Variants in FRMD3 observed in about 807,000 individuals in gnomAD.
FRMD3 encodes the protein FERM domain containing 3.
In FRMD3, 33 loss-of-function variants were observed where a neutral mutation model predicts 70.2. The ratio of observed to expected loss-of-function variants is 0.47; its 90% CI spans 0.36 to 0.63. FRMD3 has a LOEUF of 0.63. Ranked by LOEUF, FRMD3 falls within the 20% of genes least tolerant of loss-of-function variation. The pLI is 0.00. For missense variants in FRMD3, 632 were observed against 711.4 expected (o/e 0.89, Z 1.27); for synonymous variants, 279 against 255.9 (o/e 1.09, Z -0.86).
chr9:83,539,162 G>A (rs1829966549), upstream of FRMD3, among the ~76,000 whole-genome samples: 1 of 152,148 alleles, frequency 6.6e-6, no homozygotes, highest in Non-Finnish European at 1.5e-5. Context: ...CCAGTTCCCG[G>A]TTGCTCAGGA....
rs193281269 is a variant in FRMD3 at position 83,440,022 on chromosome 9, T to C, written c.148-50314A>G. ...ACACACACTTCCAGCTTGGTGGCACTACCTCCCTGACAATAGCCATTACAA... is the reference window on the plus strand; with the variant it reads ...ACACACACTTCCAGCTTGGTGGCACCACCTCCCTGACAATAGCCATTACAA... On this transcript the variant is annotated intron_variant, in intron 1 of 13. Transcript: ENST00000304195. Among the ~76,000 whole-genome samples, 13 of 152,300 alleles carry C rather than the reference T, an allele frequency of 8.5e-5. No individual in the cohort carries two copies. In the East Asian group the frequency reaches 2.1e-3, roughly 25 times the overall value.
intron 2 of FRMD3, among the ~76,000 whole-genome samples, chr9:83,386,783 A>G (rs1379799731): frequency 2.6e-5 from 4 of 152,154 alleles, no homozygotes; most frequent in East Asian, 1.9e-4. Flanking sequence ...TGTCTCTCCA[A>G]TCTCTGACTG....
chr9:83,267,545 C>A (rs1221492034), intron 13 of FRMD3, among the ~76,000 whole-genome samples: 1 of 152,082 alleles, frequency 6.6e-6, no homozygotes, highest in Non-Finnish European at 1.5e-5. Flanking sequence ...GCTCCTCCAG[C>A]CTTTATTATA....
intron 13 of FRMD3, among the ~76,000 whole-genome samples, chr9:83,254,746 T>TA (rs1832615154): frequency 6.6e-6 from 1 of 152,008 alleles, no homozygotes; most frequent in Non-Finnish European, 1.5e-5. Context: ...ATACTACAAA[T>TA]ACCTCTATGC....
intron 1 of FRMD3, among the ~76,000 whole-genome samples, chr9:83,520,945 T>G (rs1829556990): frequency 1.6e-5 from 2 of 122,432 alleles, no homozygotes; most frequent in East Asian, 2.3e-4. Context: ...GCCAACATGG[T>G]GAAACCCTGT....
the FRMD3 span, among the ~76,000 whole-genome samples, chr9:83,568,986 A>G: frequency 2.0e-5 from 3 of 148,468 alleles, no homozygotes; most frequent in Admixed American, 6.7e-5. Flanking sequence ...ATACATACAT[A>G]CATACATAGA....
chr9:83,522,061 AG>A (rs575878446), intron 1 of FRMD3, among the ~76,000 whole-genome samples: 375 of 152,338 alleles, frequency 2.5e-3, no homozygotes, highest in African/African-American at 8.4e-3. Flanking sequence ...GAACCAAGGA[AG>A]GGGGTGTGGG....
intron 1 of FRMD3, among the ~76,000 whole-genome samples, chr9:83,496,946 T>G (rs974171932): frequency 1.3e-5 from 2 of 152,088 alleles, no homozygotes; most frequent in African/African-American, 4.8e-5. Flanking sequence ...AAACCCCATC[T>G]CTACTAAAAA....
chr9:83,278,174 TG>T (rs1222448409), intron 13 of FRMD3, among the ~76,000 whole-genome samples: 1 of 151,892 alleles, frequency 6.6e-6, no homozygotes, highest in African/African-American at 2.4e-5. Context: ...CCCTCCTGGG[TG>T]GGGGAAACAG....
chr9:83,295,151 T>C (rs1369139126), intron 12 of FRMD3, among the ~76,000 whole-genome samples: 2 of 152,232 alleles, frequency 1.3e-5, no homozygotes, highest in Admixed American at 1.3e-4. Context: ...CTTTGGGAAC[T>C]ACAATTATAT....
At chr9:83,426,816 T>C (rs1156760028) in intron 1 of FRMD3, among the ~76,000 whole-genome samples, 1 of 152,184 alleles carries the variant, frequency 6.6e-6, no homozygotes, top group Non-Finnish European at 1.5e-5. Flanking sequence ...GTTACAGGCC[T>C]GAGACACATC....
At chr9:83,391,046 C>A (rs2131299520) in intron 1 of FRMD3, among the ~76,000 whole-genome samples, 1 of 152,228 alleles carries the variant, frequency 6.6e-6, no homozygotes, top group Middle Eastern at 3.4e-3. Context: ...AAACAGGGGT[C>A]AATGCCTTCC....
chr9:83,329,795 A>C (rs897561308), intron 6 of FRMD3, among the ~76,000 whole-genome samples: 1 of 152,188 alleles, frequency 6.6e-6, no homozygotes, highest in Non-Finnish European at 1.5e-5. Flanking sequence ...TGAATATTTA[A>C]AAGCTGATGA....
At chr9:83,301,154 C>A (rs1331723494) in intron 10 of FRMD3, among the ~76,000 whole-genome samples, 1 of 152,134 alleles carries the variant, frequency 6.6e-6, no homozygotes, top group African/African-American at 2.4e-5. Flanking sequence ...TGGGGGGGGC[C>A]CTGCAGTGTG....
intron 1 of FRMD3, among the ~76,000 whole-genome samples, chr9:83,526,483 T>C (rs1038879554): frequency 2.0e-5 from 3 of 152,220 alleles, no homozygotes; most frequent in African/African-American, 7.2e-5. Context: ...ACTTTACTTG[T>C]AATGCCCTTT....
chr9:83,486,615 T>C (rs1420094243), intron 1 of FRMD3, among the ~76,000 whole-genome samples: 1 of 152,186 alleles, frequency 6.6e-6, no homozygotes, highest in African/African-American at 2.4e-5. Context: ...TGGACCAAGA[T>C]TTATGGCTAA....
intron 1 of FRMD3, among the ~76,000 whole-genome samples, chr9:83,457,135 A>G (rs1827841588): frequency 6.6e-6 from 1 of 152,224 alleles, no homozygotes; most frequent in Admixed American, 6.5e-5. Context: ...AAAGACAAAT[A>G]TCTACTTACA....
At chr9:83,302,443 CA>C (rs1384012153) in intron 10 of FRMD3, among the ~76,000 whole-genome samples, 1 of 152,148 alleles carries the variant, frequency 6.6e-6, no homozygotes, top group Non-Finnish European at 1.5e-5. Flanking sequence ...TTGGTCATGC[CA>C]TGTGGCTTTG....
chr9:83,384,174 A>G (rs1825442947), intron 2 of FRMD3, among the ~76,000 whole-genome samples: 1 of 152,212 alleles, frequency 6.6e-6, no homozygotes, highest in Non-Finnish European at 1.5e-5. Context: ...GATCTTTAAT[A>G]CCTTTTGAAA....
Sources: allele counts gnomAD v4.1 joint callset (sites outside exome capture counted in the v4.1 genomes callset), GRCh38; gene constraint gnomAD v4.1.1; transcripts MANE v1.5; gene names NCBI Gene and HGNC (gene_info 2026-07-23, HGNC 2026-07-21).